Variants in CFAP74 observed in about 807,000 individuals in gnomAD.
CFAP74 encodes the protein cilia and flagella associated protein 74.
In CFAP74, 124 loss-of-function variants were observed where a neutral mutation model predicts 188.9. The ratio of observed to expected loss-of-function variants is 0.66; its 90% confidence interval spans 0.57 to 0.76. CFAP74 has a LOEUF of 0.76. Ranked by LOEUF, CFAP74 falls within the 30% of genes least tolerant of loss-of-function variation. The probability of loss-of-function intolerance (pLI) is 0.00; values close to 1 mark genes in which losing one functional copy is unlikely to be tolerated. For synonymous variants in CFAP74, 956 were observed against 916.7 expected (o/e 1.04, Z -0.77); for missense variants, 2,198 against 2,165.2 (o/e 1.02, Z -0.30).
intron 25 of CFAP74, among the ~76,000 whole-genome samples, chr1:1,937,129 G>T (rs989751448): frequency 1.3e-5 from 2 of 152,230 alleles, no homozygotes; most frequent in African/African-American, 4.8e-5. Context: ...TTCAGAAAGT[G>T]ATACAGGGTT....
rs187454170 is a variant in CFAP74, at chr1:1,948,717, T to C, written c.2177-1663A>G. Among the ~76,000 whole-genome samples, 378 of 151,498 alleles carry C rather than the reference T, an allele frequency of 2.5e-3. 2 individuals are homozygous for C. The highest frequency in any genetic ancestry group is 2.9e-3 in the Non-Finnish European group (197 of 67,896). ...GATCCTCCCGGCTCAGCATCCTGAG[T>C]AGCTGGGACTACAGATGCATGTCAC... On this transcript the variant is annotated intron_variant, in intron 18 of 38. Transcript: ENST00000682832.
intron 1 of CFAP74, among the ~76,000 whole-genome samples, chr1:1,993,310 G>A (rs1405022320): frequency 6.6e-6 from 1 of 151,516 alleles, no homozygotes; most frequent in Non-Finnish European, 1.5e-5. Context: ...TTTGAGACAG[G>A]GTTTGACTCT....
chr1:1,948,150 C>T (rs113932360), intron 18 of CFAP74, among the ~76,000 whole-genome samples: 1 of 152,084 alleles, frequency 6.6e-6, no homozygotes, highest in African/African-American at 2.4e-5. Context: ...GGATTACAGG[C>T]GTGAGCCACT....
chr1:1,999,703 G>C (rs1055830871), intron 1 of CFAP74, among the ~76,000 whole-genome samples: 6 of 151,984 alleles, frequency 3.9e-5, no homozygotes, highest in Non-Finnish European at 8.8e-5. Context: ...TGTAACCCCA[G>C]CTACTCGGGA....
At chr1:1,985,624 AGCGTGGGGCTG>A in intron 5 of CFAP74, 134 bp from the exon 6 acceptor site, 1 of 687,068 alleles carries the variant, frequency 1.5e-6, no homozygotes, top group Non-Finnish European at 2.6e-6. Flanking sequence ...TAGCCAATGG[AGCGTGGGGCTG>A]GCGGGAGGCT....
chr1:2,000,377 T>C (rs1330049462), intron 1 of CFAP74, among the ~76,000 whole-genome samples: 1 of 151,840 alleles, frequency 6.6e-6, no homozygotes, highest in Non-Finnish European at 1.5e-5. Context: ...AGGACATGGG[T>C]TTTTTGGGGA....
intron 25 of CFAP74, 76 bp from the exon 26 acceptor site, chr1:1,930,412 G>A: frequency 7.1e-7 from 1 of 1,408,980 alleles, no homozygotes; most frequent in Non-Finnish European, 9.4e-7. Context: ...GGGGGCCACT[G>A]GGTGGAGGAC....
rs1570828346 is a variant in CFAP74, at chr1:1,930,202, C to T, written c.3146G>A (p.Ser1049Asn). ...ATVYVINSHLSMSSPTHSKPR... is the reference protein window; with the variant it reads ...ATVYVINSHLNMSSPTHSKPR... Reference sequence around the variant, plus strand: ...CTTGGAGTGGGTCGGTGAGCTCATGCTCAGGTGAGAGTTGATGACGTACAC... The same window carrying T: ...CTTGGAGTGGGTCGGTGAGCTCATGTTCAGGTGAGAGTTGATGACGTACAC... Residue 1049 changes from serine (S) to asparagine (N), a missense_variant, in exon 26 of 39, where the codon AGC (serine) becomes AAC (asparagine). Physicochemically the swap from Ser to Asn is conservative, Grantham distance 46. Transcript: ENST00000682832. 8 of 1,535,706 alleles carry T rather than the reference C, an allele frequency of 5.2e-6. No homozygotes were observed. The East Asian group carries it at 2.0e-4, about 38-fold the overall frequency.
Position 1,924,371 on chromosome 1 carries a change from A to ACCCCCCC in CFAP74, c.4234+19_4234+20insGGGGGGG. ...CGCCCACCCCCGCAGCTCACCACCC[A>ACCCCCCC]CCCCCCACCCCCCGCTCACCGACCA... is the stretch of plus-strand genomic sequence containing the variant. On this transcript the variant is annotated intron_variant, in intron 34 of 38. Coordinates refer to ENST00000682832, the MANE Select transcript of CFAP74 (RefSeq NM_001304360.2). 1 of 50,534 alleles carries ACCCCCCC rather than the reference A, an allele frequency of 2.0e-5. No homozygotes were observed. The allele number at this position is 50,534 out of a possible 1,614,324, so 3.1% of individuals were successfully genotyped here.
chr1:1,974,126 C>T lies in CFAP74; in HGVS notation c.573G>A (p.Val191=), dbSNP rs77196972. 3.7e-3 allele frequency: 5,970 copies of T among 1,612,658 alleles called. 185 individuals are homozygous for T. The East Asian group carries it at 0.08, about 22-fold the overall frequency. ...CCTGGAGCCGCCGCCCCGTGGCCTCCACCTCCTCACGGTCAGCTGTCCGGA... is the reference window on the plus strand; with the variant it reads ...CCTGGAGCCGCCGCCCCGTGGCCTCTACCTCCTCACGGTCAGCTGTCCGGA... ...EAFRTADREE[V]EATGRRLQVR... The change falls in exon 7 of 39, where the codon GTG becomes GTA. Residue 191 remains valine, a synonymous_variant. Transcript: ENST00000682832.
At chr1:2,000,415 C>G (rs1301550103) in intron 1 of CFAP74, among the ~76,000 whole-genome samples, 1 of 152,160 alleles carries the variant, frequency 6.6e-6, no homozygotes, top group Non-Finnish European at 1.5e-5. Flanking sequence ...CCTATGGCAC[C>G]CTCTGGCTCT....
At chr1:1,999,278 T>C (rs80216791) in intron 1 of CFAP74, among the ~76,000 whole-genome samples, 88 of 152,184 alleles carry the variant, frequency 5.8e-4, no homozygotes, top group African/African-American at 2.0e-3. Context: ...CTATGCAGGA[T>C]AGAAGCAGGG....
chr1:1,948,977 C>CTT (rs2102054359), intron 18 of CFAP74, among the ~76,000 whole-genome samples: 1 of 80,260 alleles, frequency 1.2e-5, no homozygotes, highest in Non-Finnish European at 2.4e-5. Context: ...TTCCTCCTTC[C>CTT]CTCCCTCCTT....
At chr1:1,946,667 C>A (rs1653796167) in intron 19 of CFAP74, among the ~76,000 whole-genome samples, 1 of 152,178 alleles carries the variant, frequency 6.6e-6, no homozygotes, top group Non-Finnish European at 1.5e-5. Flanking sequence ...TCCACATCCT[C>A]CCCCTGCTCA....
intron 18 of CFAP74, chr1:1,954,953 G>A: frequency 8.4e-7 from 1 of 1,197,526 alleles, no homozygotes; most frequent in Non-Finnish European, 1.1e-6. Flanking sequence ...GTGTGCACTG[G>A]CAGAAGGACG....
At position 1,968,845 on chromosome 1, in the gene CFAP74, C is replaced by G. The variant is rs78960667; in HGVS notation, c.1047-12G>C. 1 of 1,613,164 alleles carries G rather than the reference C, an allele frequency of 6.2e-7. No individual in the cohort carries two copies. The highest frequency in any genetic ancestry group is 1.7e-5 in the Admixed American group (1 of 59,984). ...CCTCCTCAAAGGCCCTGCGTGGAGT[C>G]GCTTCTCAGATGAGTGCAAGAGGTC... is the stretch of plus-strand genomic sequence containing the variant. On this transcript the variant is annotated splice_polypyrimidine_tract_variant and intron_variant, in intron 10 of 38. Coordinates refer to ENST00000682832, the MANE Select transcript of CFAP74 (RefSeq NM_001304360.2). The surrounding 1 kb of genome is among the most constrained non-coding windows in gnomAD (Gnocchi z 4.3).
chr1:1,930,818 C>T (rs932445008), intron 25 of CFAP74, among the ~76,000 whole-genome samples: 7 of 152,162 alleles, frequency 4.6e-5, no homozygotes, highest in South Asian at 4.1e-4. Flanking sequence ...GTTTTAAAAA[C>T]GGATCTTTTT....
rs201021747 is a variant in CFAP74 at position 1,944,225 on chromosome 1, CCCCGTG to C, written c.2486+100_2486+105del. On this transcript the variant is annotated intron_variant, in intron 21 of 38. Coordinates refer to ENST00000682832, the MANE Select transcript of CFAP74 (RefSeq NM_001304360.2). ...CGGCTCACCCCGTGTGCGTGGGTCA[CCCCGTG>C]TGCGTGGACAGGAGGGGGCTCACCG... The C allele has an allele frequency of 1.1e-3, 1,617 of 1,470,510 alleles. 22 individuals are homozygous for C. The African/African-American group carries it at 0.02, about 18-fold the overall frequency. The allele number at this position is 1,470,510 out of a possible 1,614,324, so 91.1% of individuals were successfully genotyped here. A position where few individuals can be genotyped will look rare whatever the true frequency, so the allele number is the denominator to read the frequency against.
At chr1:1,966,183 G>GAA (rs2102071321) in intron 12 of CFAP74, among the ~76,000 whole-genome samples, 188 bp downstream of exon 12, 1 of 152,348 alleles carries the variant, frequency 6.6e-6, no homozygotes, top group African/African-American at 2.4e-5. Context: ...CGCGAAGAGG[G>GAA]AAAGGCATGA....
Sources: gnomAD v4.1 joint callset for allele counts (sites outside exome capture counted in the v4.1 genomes callset) on GRCh38, gnomAD v4.1.1 for gene constraint, Gnocchi (gnomAD v3.1) non-coding constraint, MANE v1.5 for transcripts, NCBI Gene and HGNC (gene_info 2026-07-23, HGNC 2026-07-21) for gene names.